The following KDM4C variants were observed in gnomAD, a reference collection of about 807,000 sequenced individuals.
KDM4C encodes lysine demethylase 4C, also known as lysine-specific demethylase 4C.
In KDM4C, 81 loss-of-function variants were observed where a neutral mutation model predicts 129.3. That is an observed-to-expected ratio of 0.63 (90% confidence interval 0.52 to 0.75). The LOEUF (loss-of-function observed/expected upper bound fraction) is 0.75. KDM4C is among the 30% of genes least tolerant of loss of function. The pLI is 0.00. For synonymous variants in KDM4C, 573 were observed against 456.1 expected (o/e 1.26, Z -3.26); for missense variants, 1,457 against 1,304.0 (o/e 1.12, Z -1.81).
At chr9:6,801,409 A>G (rs893360452) in intron 2 of KDM4C, among the ~76,000 whole-genome samples, 1 of 149,214 alleles carries the variant, frequency 6.7e-6, no homozygotes. Context: ...AATTTTCTGT[A>G]TTTTTTTTTA....
intron 1 of KDM4C, among the ~76,000 whole-genome samples, chr9:6,792,090 C>G (rs1429200981): frequency 6.6e-6 from 1 of 152,094 alleles, no homozygotes; most frequent in Non-Finnish European, 1.5e-5. Flanking sequence ...CTGTAAATCC[C>G]AGCACTTTGG....
intron 18 of KDM4C, among the ~76,000 whole-genome samples, chr9:7,116,384 C>G (rs1433765236): frequency 7.5e-6 from 1 of 134,098 alleles, no homozygotes; most frequent in Non-Finnish European, 1.6e-5. Flanking sequence ...GAGCAGTGTC[C>G]TTACTGTATC....
At position 7,135,155 on chromosome 9, in the gene KDM4C, A is replaced by G. The variant is rs989598695; in HGVS notation, c.2781+6919A>G. On this transcript the variant is annotated intron_variant, in intron 19 of 21. Coordinates refer to ENST00000381309, the MANE Select transcript of KDM4C (RefSeq NM_015061.6). ...GGCATCATAGCGACAGTTTCCACTC[A>G]TCACTGGGGATCCTCTGGAGAAAGT... is the stretch of plus-strand genomic sequence containing the variant. Among the ~76,000 whole-genome samples the G allele has an allele frequency of 2.6e-5, 4 of 152,320 alleles. No individual in the cohort carries two copies. The South Asian group carries it at 8.3e-4, about 32-fold the overall frequency.
intron 19 of KDM4C, among the ~76,000 whole-genome samples, chr9:7,140,348 G>GT (rs1370002872): frequency 3.9e-5 from 6 of 152,020 alleles, no homozygotes; most frequent in African/African-American, 9.7e-5. Flanking sequence ...TTGTTGTTGG[G>GT]TTTTTTTGTT....
intron 18 of KDM4C, among the ~76,000 whole-genome samples, chr9:7,127,056 G>A (rs1219846322): frequency 3.9e-5 from 6 of 152,106 alleles, no homozygotes. Flanking sequence ...TTGATGGATG[G>A]ATGGTTGGAT....
intron 19 of KDM4C, among the ~76,000 whole-genome samples, chr9:7,147,950 C>T (rs900738754): frequency 2.6e-5 from 4 of 152,296 alleles, no homozygotes; most frequent in South Asian, 2.1e-4. Flanking sequence ...AGGCTGTGCT[C>T]GGCTCATGCT....
intron 8 of KDM4C, chr9:6,924,733 C>G (rs1052902233): frequency 1.0e-6 from 1 of 981,538 alleles, no homozygotes; most frequent in Non-Finnish European, 1.2e-6. Context: ...TGGATTTTGT[C>G]TGAGGAGTTT....
chr9:6,870,359 A>G (rs1288744911), intron 5 of KDM4C, among the ~76,000 whole-genome samples: 1 of 151,918 alleles, frequency 6.6e-6, no homozygotes, highest in Non-Finnish European at 1.5e-5. Flanking sequence ...GTGTTGGAAA[A>G]TGGGTTTGGA....
At chr9:7,126,793 G>A (rs1384832862) in intron 18 of KDM4C, among the ~76,000 whole-genome samples, 1 of 151,770 alleles carries the variant, frequency 6.6e-6, no homozygotes, top group African/African-American at 2.4e-5. Flanking sequence ...GCTAATTTCA[G>A]GACTGGTGCA....
intron 5 of KDM4C, among the ~76,000 whole-genome samples, chr9:6,876,345 A>G (rs562529911): frequency 6.6e-6 from 1 of 152,198 alleles, no homozygotes; most frequent in African/African-American, 2.4e-5. Context: ...TGTGAGGTAG[A>G]TGAGGTCTGA....
At chr9:7,057,590 A>C (rs895382517) in intron 17 of KDM4C, among the ~76,000 whole-genome samples, 1 of 152,260 alleles carries the variant, frequency 6.6e-6, no homozygotes, top group Non-Finnish European at 1.5e-5. Flanking sequence ...TTGCACTCAA[A>C]GAACGTTAGC....
intron 8 of KDM4C, among the ~76,000 whole-genome samples, chr9:6,940,360 T>G (rs899014654): frequency 6.6e-6 from 1 of 152,146 alleles, no homozygotes; most frequent in African/African-American, 2.4e-5. Flanking sequence ...ATTCCTGACT[T>G]TCATGTTATT....
rs1563839166 is a variant in KDM4C at position 6,934,106 on chromosome 9, GCC to G, written c.921+40875_921+40876del. Among the ~76,000 whole-genome samples, 130 of 151,952 alleles carry G rather than the reference GCC, an allele frequency of 8.6e-4. 1 individual carries two copies. Among genetic ancestry groups the G allele is most frequent in the African/African-American group, 3.0e-3 (125 of 41,380 alleles). ...GATCTCAAGTGATCCGCCTGCCTCA[GCC>G]TCCCAAAGTGCTGGGATTACAGGTG... On this transcript the variant is annotated intron_variant, in intron 8 of 21. Coordinates refer to ENST00000381309, the MANE Select transcript of KDM4C (RefSeq NM_015061.6).
intron 8 of KDM4C, among the ~76,000 whole-genome samples, chr9:6,913,444 G>C (rs947138008): frequency 6.6e-6 from 1 of 152,234 alleles, no homozygotes; most frequent in Non-Finnish European, 1.5e-5. Context: ...CTTTTATCAT[G>C]TGTTTCCTTC....
intron 8 of KDM4C, among the ~76,000 whole-genome samples, chr9:6,946,993 A>C (rs1827089217): frequency 6.6e-6 from 1 of 152,098 alleles, no homozygotes; most frequent in Non-Finnish European, 1.5e-5. Flanking sequence ...AACTGGTCTA[A>C]GTCATAGTGA....
intron 15 of KDM4C, among the ~76,000 whole-genome samples, chr9:7,020,300 G>C (rs1439807478): frequency 6.6e-6 from 1 of 152,096 alleles, no homozygotes; most frequent in Non-Finnish European, 1.5e-5. Flanking sequence ...GTCAATCCTT[G>C]GATACAGTTT....
intron 8 of KDM4C, among the ~76,000 whole-genome samples, chr9:6,913,623 G>A (rs1376943772): frequency 6.6e-6 from 1 of 152,186 alleles, no homozygotes; most frequent in Non-Finnish European, 1.5e-5. Flanking sequence ...GTGTGGCAGA[G>A]CCCAAGGGGA....
chr9:6,786,063 G>T (rs963880849), intron 1 of KDM4C, among the ~76,000 whole-genome samples: 1 of 152,202 alleles, frequency 6.6e-6, no homozygotes, highest in Non-Finnish European at 1.5e-5. Flanking sequence ...TCTGTGGCAG[G>T]CTTTGTTGGA....
At chr9:6,736,149 C>T (rs776891647) in intron 1 of KDM4C, among the ~76,000 whole-genome samples, 14 of 152,032 alleles carry the variant, frequency 9.2e-5, no homozygotes, top group African/African-American at 1.4e-4. Context: ...AAAGCATTCG[C>T]GTGGTGACTT....
Sources: allele counts gnomAD v4.1 joint callset (sites outside exome capture counted in the v4.1 genomes callset), GRCh38; gene constraint gnomAD v4.1.1; transcripts MANE v1.5; gene names NCBI Gene and HGNC (gene_info 2026-07-23, HGNC 2026-07-21).